The following DGKB variants were observed in gnomAD, a reference collection of about 807,000 sequenced individuals.
The protein encoded by DGKB is 90 kDa diacylglycerol kinase.
DGKB carries 67 observed loss-of-function variants against 114.3 expected under a neutral mutation model. The observed-to-expected ratio is 0.59, with a 90% CI of 0.48 to 0.72. The LOEUF is 0.72. Ranked by LOEUF, DGKB falls within the 30% of genes least tolerant of loss-of-function variation. The pLI, the probability that DGKB is intolerant of heterozygous loss-of-function variation, is 0.00. For synonymous variants in DGKB, 398 were observed against 323.1 expected, an observed-to-expected ratio of 1.23 and a Z score of -2.49; for missense variants, 907 against 975.2, an observed-to-expected ratio of 0.93 and a Z score of 0.93.
At chr7:14,898,433 G>A (rs920291491) in intron 1 of DGKB, among the ~76,000 whole-genome samples, 4 of 152,056 alleles carry the variant, frequency 2.6e-5, no homozygotes, top group Non-Finnish European at 4.4e-5. Context: ...ACTTAACCCT[G>A]TTGTCCTTCA....
In DGKB at chr7:14,385,437, A is replaced by G. The variant is rs546916264; in HGVS notation, c.1836-40046T>C. Among the ~76,000 whole-genome samples, 10 of 152,346 alleles carry G rather than the reference A, an allele frequency of 6.6e-5. No individual in the cohort carries two copies. The East Asian group carries it at 1.9e-3, about 29-fold the overall frequency. On this transcript the variant is annotated intron_variant, in intron 21 of 25. Transcript: ENST00000402815. ...GTACTAGGTCAGAGGAGAAGATATCATGGCAGAATCTTCTAAACAGTTTTT... is the reference window on the plus strand; with the variant it reads ...GTACTAGGTCAGAGGAGAAGATATCGTGGCAGAATCTTCTAAACAGTTTTT...
intron 23 of DGKB, among the ~76,000 whole-genome samples, chr7:14,193,544 C>T (rs1167874568): frequency 6.6e-6 from 1 of 152,086 alleles, no homozygotes; most frequent in African/African-American, 2.4e-5. Context: ...CAAAAATCAA[C>T]TCAAAATGAA....
Position 14,193,070 on chromosome 7 carries a change from C to G in DGKB, c.2123-14919G>C, listed in dbSNP as rs181304916. On this transcript the variant is annotated intron_variant, in intron 23 of 25. Coordinates refer to ENST00000402815, the MANE Select transcript of DGKB (RefSeq NM_001350709.2). The stretch of plus-strand genomic sequence containing the variant: ...TATAAAATACAGATGAAGCTTCACT[C>G]TCACCTGCTGCTCACCTCCTGCTAC... Among the ~76,000 whole-genome samples the G allele has an allele frequency of 9.6e-3, 1,357 of 140,762 alleles. 19 individuals are homozygous for G. Among genetic ancestry groups the G allele is most frequent in the African/African-American group, 0.036 (1,313 of 36,806 alleles). 92.3% of individuals were successfully genotyped at this position (140,762 alleles called of 152,430 possible). A position where few individuals can be genotyped will look rare whatever the true frequency, so the allele number is the denominator to read the frequency against.
chr7:14,704,741 G>C (rs1489703372), intron 6 of DGKB, among the ~76,000 whole-genome samples: 1 of 152,224 alleles, frequency 6.6e-6, no homozygotes, highest in East Asian at 1.9e-4. Context: ...TATTCCAATA[G>C]ACCTGCAGCT....
intron 2 of DGKB, among the ~76,000 whole-genome samples, chr7:14,808,945 A>G (rs1355304101): frequency 2.0e-5 from 3 of 152,164 alleles, no homozygotes; most frequent in East Asian, 3.8e-4. Flanking sequence ...ACCTTGCCAC[A>G]TCAGCCATCC....
chr7:14,937,595 A>G (rs1205097734), intron 1 of DGKB, among the ~76,000 whole-genome samples: 1 of 152,190 alleles, frequency 6.6e-6, no homozygotes, highest in Non-Finnish European at 1.5e-5. Context: ...AAACACAATG[A>G]GAAATATGTA....
At chr7:14,746,975 T>TA (rs1833384305) in intron 4 of DGKB, among the ~76,000 whole-genome samples, 2 of 151,840 alleles carry the variant, frequency 1.3e-5, no homozygotes, top group Non-Finnish European at 2.9e-5. Flanking sequence ...CTTTGAAAAA[T>TA]AAAAGCCTAT....
chr7:14,646,350 A>G (rs1031412340), intron 13 of DGKB, among the ~76,000 whole-genome samples: 69 of 152,266 alleles, frequency 4.5e-4, no homozygotes, highest in African/African-American at 1.6e-3. Flanking sequence ...AAATAAACAT[A>G]TATATACACA....
chr7:14,309,708 C>T (rs1473599915), intron 23 of DGKB, among the ~76,000 whole-genome samples: 1 of 152,128 alleles, frequency 6.6e-6, no homozygotes, highest in Non-Finnish European at 1.5e-5. Flanking sequence ...TAGGATAATT[C>T]TTGTTCTTCA....
At chr7:14,870,672 G>C (rs1716027143) in intron 1 of DGKB, among the ~76,000 whole-genome samples, 1 of 151,986 alleles carries the variant, frequency 6.6e-6, no homozygotes, top group African/African-American at 2.4e-5. Context: ...GCGTGTACCT[G>C]TAATCTGAGC....
At chr7:14,520,864 C>T (rs899348312) in intron 20 of DGKB, among the ~76,000 whole-genome samples, 1 of 152,008 alleles carries the variant, frequency 6.6e-6, no homozygotes, top group Admixed American at 6.6e-5. Flanking sequence ...ATTTTTTAAT[C>T]TGGGAAGGTC....
intron 12 of DGKB, among the ~76,000 whole-genome samples, chr7:14,677,834 G>A (rs9986816): frequency 0.021 from 3,168 of 152,074 alleles, 105 homozygotes; most frequent in African/African-American, 0.073. Flanking sequence ...ATTATCAGAA[G>A]GCAGTTTTCC....
chr7:14,925,622 G>C (rs185956605), intron 1 of DGKB, among the ~76,000 whole-genome samples: 55 of 152,190 alleles, frequency 3.6e-4, no homozygotes, highest in South Asian at 2.7e-3. Context: ...TCTTTGGTGA[G>C]ATTTGTACCT....
intron 23 of DGKB, among the ~76,000 whole-genome samples, chr7:14,273,075 T>C (rs143695812): frequency 6.6e-6 from 1 of 152,316 alleles, no homozygotes; most frequent in African/African-American, 2.4e-5. Context: ...TCTAGCATGG[T>C]GACTCATGCC....
chr7:14,732,253 T>A (rs1831032663), intron 5 of DGKB, among the ~76,000 whole-genome samples: 2 of 152,018 alleles, frequency 1.3e-5, no homozygotes, highest in South Asian at 4.1e-4. Context: ...TTTTAGTTGC[T>A]GTATAGAGTA....
At chr7:14,622,748 T>A (rs1020525406) in intron 14 of DGKB, among the ~76,000 whole-genome samples, 1 of 151,990 alleles carries the variant, frequency 6.6e-6, no homozygotes, top group African/African-American at 2.4e-5. Flanking sequence ...AAAGCCAAAC[T>A]CATCCCTTTT....
At chr7:14,206,655 A>G (rs17707695) in intron 23 of DGKB, among the ~76,000 whole-genome samples, 13,808 of 152,112 alleles carry the variant, frequency 0.091, 862 homozygotes, top group Admixed American at 0.19. Flanking sequence ...ATGTTGAGAA[A>G]TCACATGAAC....
intron 2 of DGKB, among the ~76,000 whole-genome samples, chr7:14,783,450 A>T (rs1450674041): frequency 6.6e-6 from 1 of 152,196 alleles, no homozygotes; most frequent in Non-Finnish European, 1.5e-5. Context: ...GAATAAAGTT[A>T]ATTTGCCTTC....
intron 20 of DGKB, among the ~76,000 whole-genome samples, chr7:14,504,220 AC>A (rs1417454870): frequency 3.0e-4 from 46 of 152,078 alleles, no homozygotes; most frequent in Non-Finnish European, 1.0e-4. Flanking sequence ...TATACTCCAA[AC>A]TTTTCATGGA....
Sources: allele counts gnomAD v4.1 joint callset (sites outside exome capture counted in the v4.1 genomes callset), GRCh38; gene constraint gnomAD v4.1.1; transcripts MANE v1.5; gene names NCBI Gene and HGNC (gene_info 2026-07-23, HGNC 2026-07-21).